Variants in SLC6A2 observed in about 807,000 individuals in gnomAD.
The protein encoded by SLC6A2 is solute carrier family 6 member 2, also known as sodium-dependent noradrenaline transporter.
SLC6A2 carries 26 observed loss-of-function variants against 71.7 expected under a neutral mutation model. The ratio of observed to expected loss-of-function variants is 0.36; its 90% confidence interval spans 0.27 to 0.50. The LOEUF is 0.50. SLC6A2 is among the 20% of genes least tolerant of loss of function. The pLI, the probability that SLC6A2 is intolerant of heterozygous loss-of-function variation, is 0.96. For synonymous variants in SLC6A2, 363 were observed against 337.9 expected (o/e 1.07, Z -0.82); for missense variants, 581 against 803.9 (o/e 0.72, Z 3.35).
At chr16:55,690,321 C>T (rs1281243475) in intron 5 of SLC6A2, among the ~76,000 whole-genome samples, 1 of 152,264 alleles carries the variant, frequency 6.6e-6, no homozygotes, top group East Asian at 1.9e-4. Context: ...GTGGGAAAGA[C>T]AAGTAAAGAA....
At chr16:55,693,957 T>A (rs940845717) in intron 6 of SLC6A2, 53 bp from the exon 7 acceptor site, 2 of 1,137,836 alleles carry the variant, frequency 1.8e-6, no homozygotes, top group Admixed American at 3.4e-5. Context: ...ACCAGTGAGG[T>A]GTTCCAGTGT....
rs144947751 is a variant in SLC6A2 at position 55,686,399 on chromosome 16, T to C, written c.783+1118T>C. Among the ~76,000 whole-genome samples, 1,439 of 152,268 alleles carry C rather than the reference T, an allele frequency of 9.5e-3. 25 individuals carry two copies. The highest frequency in any genetic ancestry group is 0.032 in the African/African-American group (1,344 of 41,532). ...CCCAAGCAGACAAGCCCCAGTGATGTACAAGTAGCTCTTCCAGTCACTGCT... is the reference window on the plus strand; with the variant it reads ...CCCAAGCAGACAAGCCCCAGTGATGCACAAGTAGCTCTTCCAGTCACTGCT... On this transcript the variant is annotated intron_variant, in intron 5 of 14. Transcript: ENST00000568943.
At chr16:55,695,910 C>T (rs747665975) in intron 8 of SLC6A2, among the ~76,000 whole-genome samples, 1 of 152,126 alleles carries the variant, frequency 6.6e-6, no homozygotes, top group Non-Finnish European at 1.5e-5. Context: ...GGAAGGGCTA[C>T]CTCTAATGCA....
chr16:55,700,426 C>G, intron 13 of SLC6A2, 120 bp downstream of exon 13: 3 of 806,464 alleles, frequency 3.7e-6, no homozygotes, highest in Non-Finnish European at 5.8e-6. Context: ...TAGGGTCAAA[C>G]GGACCCACCT....
chr16:55,657,439 G>T (rs1489155056), intron 2 of SLC6A2, among the ~76,000 whole-genome samples: 4 of 152,202 alleles, frequency 2.6e-5, no homozygotes, highest in Admixed American at 1.3e-4. Context: ...AGCACTCTGA[G>T]CCTGGGGGCA....
intron 5 of SLC6A2, among the ~76,000 whole-genome samples, chr16:55,691,180 A>C (rs973757704): frequency 7.7e-6 from 1 of 129,568 alleles, no homozygotes; most frequent in African/African-American, 2.9e-5. Flanking sequence ...GAGCAAGAAG[A>C]GGGAGGGAGG....
chr16:55,701,227 C>T (rs908994816), intron 13 of SLC6A2, among the ~76,000 whole-genome samples: 3 of 152,182 alleles, frequency 2.0e-5, no homozygotes, highest in Admixed American at 6.5e-5. Context: ...GACAGACAGT[C>T]CCCATCCTCA....
In SLC6A2 at chr16:55,697,551, G is replaced by A. The variant is rs115010838; in HGVS notation, c.1261-346G>A. ...CAGAGACACTTATTGACATGTAAAC[G>A]TATGACATGGGTTTTGGTGTTTTAC... On this transcript the variant is annotated intron_variant, in intron 9 of 14. Transcript: ENST00000568943. Among the ~76,000 whole-genome samples the A allele has an allele frequency of 7.1e-3, 1,088 of 152,276 alleles. 15 individuals are homozygous for A. The highest frequency in any genetic ancestry group is 0.024 in the African/African-American group (1,000 of 41,546).
At chr16:55,659,728 A>G (rs1286518797) in intron 2 of SLC6A2, among the ~76,000 whole-genome samples, 1 of 152,248 alleles carries the variant, frequency 6.6e-6, no homozygotes, top group East Asian at 1.9e-4. Context: ...AAACAACAAC[A>G]GAAACACTCA....
In SLC6A2 at chr16:55,671,929, C is replaced by G; in HGVS notation, c.407-9C>G. Reference sequence around the variant, plus strand: ...GGAGACTCCTACCTTACCCCCTGTCCCTGCCCAGGCGTTGGCTATGCTGTC... The same window carrying G: ...GGAGACTCCTACCTTACCCCCTGTCGCTGCCCAGGCGTTGGCTATGCTGTC... On this transcript the variant is annotated splice_polypyrimidine_tract_variant and intron_variant, in intron 3 of 14. Transcript: ENST00000568943. 6.2e-7 allele frequency: 1 copy of G among 1,614,036 alleles called. No individual in the cohort carries two copies.
chr16:55,700,940 AT>A (rs1965955276), intron 13 of SLC6A2, among the ~76,000 whole-genome samples: 1 of 152,136 alleles, frequency 6.6e-6, no homozygotes, highest in African/African-American at 2.4e-5. Flanking sequence ...TGTCACTCCT[AT>A]TTGATTAAAA....
At position 55,702,401 on chromosome 16, in the gene SLC6A2, CCGCTG is replaced by C; in HGVS notation, c.*60_*64del. On this transcript the variant is annotated 3_prime_UTR_variant, in exon 15 of 15. Transcript: ENST00000568943. ...ATGCCAATGTCCAGGTCACAGGCATCCGCTGCGCTCCCACCTCGGACACCATCTTG... is the reference window on the plus strand; with the variant it reads ...ATGCCAATGTCCAGGTCACAGGCATCCGCTCCCACCTCGGACACCATCTTG... 1.2e-6 allele frequency: 2 copies of C among 1,614,100 alleles called. No individual in the cohort carries two copies. The highest frequency in any genetic ancestry group is 1.7e-6 in the Non-Finnish European group (2 of 1,180,006).
In SLC6A2 at chr16:55,694,820, G is replaced by A. The variant is rs1013849530; in HGVS notation, c.1023-458G>A. 5.9e-5 allele frequency among the ~76,000 whole-genome samples: 9 copies of A among 152,320 alleles called. No homozygotes were observed. In the South Asian group the frequency reaches 1.7e-3, roughly 28 times the overall value. On this transcript the variant is annotated intron_variant, in intron 7 of 14. Coordinates refer to ENST00000568943, the MANE Select transcript of SLC6A2 (RefSeq NM_001172501.3). ...GATTATGCTAGGCAGACGTGGAGTG[G>A]ACTGCATGCACTGGGGGGAGAAGCG...
At chr16:55,670,668 A>C (rs1232210745) in intron 3 of SLC6A2, among the ~76,000 whole-genome samples, 1 of 152,210 alleles carries the variant, frequency 6.6e-6, no homozygotes, top group Non-Finnish European at 1.5e-5. Flanking sequence ...AAATTTTACC[A>C]AGTTTAAATT....
intron 8 of SLC6A2, 76 bp from the exon 9 acceptor site, chr16:55,696,149 C>T: frequency 1.1e-6 from 1 of 898,000 alleles, no homozygotes; most frequent in Non-Finnish European, 1.9e-6. Context: ...CAATTGGGCC[C>T]CCAGATACTC....
chr16:55,698,316 G>A (rs192777267), intron 10 of SLC6A2, among the ~76,000 whole-genome samples, 153 bp from the exon 11 acceptor site: 8 of 152,220 alleles, frequency 5.3e-5, no homozygotes, highest in Admixed American at 2.6e-4. Flanking sequence ...TGACTGTAAC[G>A]TCAATACAAC....
At chr16:55,661,105 G>A (rs1964597910) in intron 2 of SLC6A2, among the ~76,000 whole-genome samples, 1 of 152,220 alleles carries the variant, frequency 6.6e-6, no homozygotes, top group Non-Finnish European at 1.5e-5. Flanking sequence ...ATCAGGCAGT[G>A]ATTCTAGAGT....
chr16:55,676,059 T>C (rs1433042162), intron 4 of SLC6A2, among the ~76,000 whole-genome samples: 4 of 152,188 alleles, frequency 2.6e-5, no homozygotes, highest in Non-Finnish European at 4.4e-5. Context: ...GAGAATTTGC[T>C]AAGGGTCCTG....
In SLC6A2 at chr16:55,702,747, C is replaced by CAAAA. The variant is rs72297759; in HGVS notation, c.*412_*415dup. The stretch of plus-strand genomic sequence containing the variant: ...TGGGCTTTTGATCAGATACCCCTCC[C>CAAAA]AAAAAAAAAAAAAACTAAAACTAAA... On this transcript the variant is annotated 3_prime_UTR_variant, in exon 15 of 15. Transcript: ENST00000568943. 83 of 919,770 alleles carry CAAAA rather than the reference C, an allele frequency of 9.0e-5. No homozygotes were observed. Among genetic ancestry groups the CAAAA allele is most frequent in the Middle Eastern group, 5.6e-4 (1 of 1,798 alleles). 57.0% of individuals were successfully genotyped at this position (919,770 alleles called of 1,614,324 possible).
Sources: gnomAD v4.1 joint callset for allele counts (sites outside exome capture counted in the v4.1 genomes callset) on GRCh38, gnomAD v4.1.1 for gene constraint, MANE v1.5 for transcripts, NCBI Gene and HGNC (gene_info 2026-07-23, HGNC 2026-07-21) for gene names.